PAPPA2: variants seen among roughly 807,000 people sequenced by gnomAD.
The protein encoded by PAPPA2 is pappalysin 2, also known as pappalysin-2.
PAPPA2 carries 86 observed loss-of-function variants against 176.4 expected under a neutral mutation model. The observed-to-expected ratio is 0.49, with a 90% CI of 0.41 to 0.58. The LOEUF (loss-of-function observed/expected upper bound fraction) is 0.58, where lower values mean the gene tolerates loss of function less well. Ranked by LOEUF, PAPPA2 falls within the 20% of genes least tolerant of loss-of-function variation. The probability of loss-of-function intolerance (pLI) is 0.00; values close to 1 mark genes in which losing one functional copy is unlikely to be tolerated. For synonymous variants in PAPPA2, 809 were observed against 852.2 expected, an observed-to-expected ratio of 0.95 and a Z score of 0.88; for missense variants, 2,073 against 2,256.9, an observed-to-expected ratio of 0.92 and a Z score of 1.65.
At chr1:176,644,189 C>T (rs911214945) in intron 3 of PAPPA2, among the ~76,000 whole-genome samples, 5 of 151,894 alleles carry the variant, frequency 3.3e-5, no homozygotes, top group South Asian at 2.1e-4. Flanking sequence ...TGTGGGCTTA[C>T]GAAAACTTAG....
chr1:176,485,149 A>G (rs760462022), intron 1 of PAPPA2, among the ~76,000 whole-genome samples: 6 of 152,180 alleles, frequency 3.9e-5, no homozygotes, highest in Non-Finnish European at 5.9e-5. Context: ...TTTTATTACC[A>G]CAATCTCAGC....
In PAPPA2 at chr1:176,595,367, C is replaced by G. The variant is rs1653914990; in HGVS notation, c.1763C>G (p.Pro588Arg). The G allele has an allele frequency of 3.1e-6, 5 of 1,614,038 alleles. No individual in the cohort carries two copies. The highest frequency in any genetic ancestry group is 4.2e-6 in the Non-Finnish European group (5 of 1,180,040). ...RHRVVLVNCE[P>R]SKIGNDHCDP... ...CGGGTTGTGCTTGTGAACTGTGAGCCCAGCAAGATTGGCAATGACCATTGT... is the reference window on the plus strand; with the variant it reads ...CGGGTTGTGCTTGTGAACTGTGAGCGCAGCAAGATTGGCAATGACCATTGT... The change falls in exon 3 of 23, where the codon CCC becomes CGC. Residue 588 changes from proline to arginine, a missense_variant. Transcript: ENST00000367662.
intron 3 of PAPPA2, among the ~76,000 whole-genome samples, chr1:176,598,780 T>A (rs1654122867): frequency 6.6e-6 from 1 of 152,190 alleles, no homozygotes; most frequent in Non-Finnish European, 1.5e-5. Flanking sequence ...TTCTATTCTT[T>A]TCTTCCAGTC....
chr1:176,773,235 T>G (rs1664312980), intron 17 of PAPPA2, among the ~76,000 whole-genome samples: 1 of 152,206 alleles, frequency 6.6e-6, no homozygotes, highest in Non-Finnish European at 1.5e-5. Flanking sequence ...AAATCTTAGT[T>G]TACATCTGTT....
rs543186767 is a variant in PAPPA2, at chr1:176,673,842, T to G, written c.2137+2727T>G. ...TTAGTCTTTTTCCTTTCAGGGAAAT[T>G]GCCACATTCTCAGTGGAAGACATAG... On this transcript the variant is annotated intron_variant, in intron 4 of 22. Transcript: ENST00000367662. Among the ~76,000 whole-genome samples the G allele has an allele frequency of 2.0e-5, 3 of 152,204 alleles. No homozygotes were observed. In the East Asian group the frequency reaches 5.8e-4, roughly 29 times the overall value.
intron 12 of PAPPA2, among the ~76,000 whole-genome samples, chr1:176,722,441 G>GT (rs1348641144): frequency 3.1e-5 from 2 of 63,748 alleles, no homozygotes; most frequent in East Asian, 4.5e-4. Context: ...TTTTTTTTTA[G>GT]TTTTTTCTTT....
At chr1:176,584,818 T>C (rs1198181271) in intron 2 of PAPPA2, among the ~76,000 whole-genome samples, 1 of 152,186 alleles carries the variant, frequency 6.6e-6, no homozygotes, top group Non-Finnish European at 1.5e-5. Flanking sequence ...CAGTGCAACC[T>C]CCGCCTCCCA....
chr1:176,699,143 C>A lies in PAPPA2; in HGVS notation c.2790C>A (p.Ala930=). The A allele has an allele frequency of 6.2e-7, 1 of 1,614,068 alleles. No homozygotes were observed. The highest frequency in any genetic ancestry group is 2.2e-5 in the East Asian group (1 of 44,866). Residue 930 remains alanine, a synonymous_variant, in exon 8 of 23, where the codon GCC becomes GCA. Coordinates refer to ENST00000367662, the MANE Select transcript of PAPPA2 (RefSeq NM_020318.3). ...AGCCCTGCGAGCCAAGCTTACAGGC[C>A]TGGAGCCCTGAGGTCCACCTGTACC... The part of the protein sequence containing the change: ...VDQPCEPSLQ[A]WSPEVHLYHM...
At chr1:176,506,133 C>G (rs994097722) in intron 1 of PAPPA2, among the ~76,000 whole-genome samples, 1 of 152,016 alleles carries the variant, frequency 6.6e-6, no homozygotes, top group East Asian at 1.9e-4. Context: ...TTTTGTCAGC[C>G]TTGTCAAAAA....
At chr1:176,609,068 A>G (rs972127466) in intron 3 of PAPPA2, among the ~76,000 whole-genome samples, 5 of 152,188 alleles carry the variant, frequency 3.3e-5, no homozygotes, top group Non-Finnish European at 7.3e-5. Flanking sequence ...AGGCAGGAAG[A>G]TGTGTTAGTA....
intron 4 of PAPPA2, among the ~76,000 whole-genome samples, chr1:176,679,939 A>G (rs1032747284): frequency 6.6e-6 from 1 of 152,186 alleles, no homozygotes; most frequent in Non-Finnish European, 1.5e-5. Flanking sequence ...GATGTTCAAT[A>G]GGGACTCCAT....
chr1:176,594,730 A>C lies in PAPPA2; in HGVS notation c.1126A>C (p.Met376Leu). ...GGCAGCCACTTACGATGGACGGCAC[A>C]TGGCCCTGTATGTGGATGGCACTCA... ...HVAATYDGRHMALYVDGTQVA... is the reference protein window; with the variant it reads ...HVAATYDGRHLALYVDGTQVA... Residue 376 changes from methionine (M) to leucine (L), a missense_variant, in exon 3 of 23, where the codon ATG becomes CTG. Physicochemically the swap from Met to Leu is conservative, Grantham distance 15. Around this residue, in one of 4 missense-constraint regions of PAPPA2, gnomAD observed 1,196 missense variants for 1,330.4 expected, o/e 0.90. Transcript: ENST00000367662. 6.2e-7 allele frequency: 1 copy of C among 1,614,240 alleles called. No homozygotes were observed. Among genetic ancestry groups the C allele is most frequent in the Non-Finnish European group, 8.5e-7 (1 of 1,180,040 alleles).
intron 3 of PAPPA2, among the ~76,000 whole-genome samples, chr1:176,623,630 A>ACTTACTTTCTTTCTTTCTTT (rs1655751248): frequency 7.1e-5 from 6 of 84,040 alleles, no homozygotes; most frequent in African/African-American, 4.1e-4. Flanking sequence ...TTCCTTTTTT[A>ACTTACTTTCTTTCTTTCTTT]CTTTCTTTCT....
rs756800181 is a variant in PAPPA2, at chr1:176,556,254, G to A, written c.-69G>A. 130 of 1,505,312 alleles carry A rather than the reference G, an allele frequency of 8.6e-5. No homozygotes were observed. Among genetic ancestry groups the A allele is most frequent in the Non-Finnish European group, 1.1e-4 (119 of 1,117,798 alleles). The allele number at this position is 1,505,312 out of a possible 1,614,324, so 93.2% of individuals were successfully genotyped here. A position where few individuals can be genotyped will look rare whatever the true frequency, so the allele number is the denominator to read the frequency against. Reference sequence around the variant, plus strand: ...ATCCATTGCTAGCTGCCTCTTTCTCGTCTGCCCATCACTCTGGTGTGGTAC... The same window carrying A: ...ATCCATTGCTAGCTGCCTCTTTCTCATCTGCCCATCACTCTGGTGTGGTAC... On this transcript the variant is annotated 5_prime_UTR_variant, in exon 2 of 23. Transcript: ENST00000367662.
At chr1:176,610,342 TGTG>T (rs1017127678) in intron 3 of PAPPA2, among the ~76,000 whole-genome samples, 1 of 78,686 alleles carries the variant, frequency 1.3e-5, no homozygotes, top group African/African-American at 1.3e-4. Context: ...CAAAGTTGTG[TGTG>T]GGGGGGGGGA....
At chr1:176,698,512 T>C (rs1038721914) in intron 7 of PAPPA2, among the ~76,000 whole-genome samples, 4 of 152,162 alleles carry the variant, frequency 2.6e-5, no homozygotes, top group Admixed American at 2.6e-4. Flanking sequence ...TCATTTTTTT[T>C]CCCACTCCAT....
intron 21 of PAPPA2, among the ~76,000 whole-genome samples, chr1:176,833,422 C>T (rs1157795553): frequency 1.3e-5 from 2 of 152,300 alleles, no homozygotes; most frequent in African/African-American, 2.4e-5. Context: ...AAACTCCCTA[C>T]CTTACAAAGG....
rs141546987 is a variant in PAPPA2 at position 176,799,365 on chromosome 1, G to A, written c.5131-696G>A. Among the ~76,000 whole-genome samples, 44 of 152,294 alleles carry A rather than the reference G, an allele frequency of 2.9e-4. No individual in the cohort carries two copies. The East Asian group carries it at 8.5e-3, about 29-fold the overall frequency. The stretch of plus-strand genomic sequence containing the variant: ...ATATGCATCTGGAAATGGCCATCAG[G>A]AAAGAGGCAGTCAACAGCATCTCAA... On this transcript the variant is annotated intron_variant, in intron 20 of 22. Transcript: ENST00000367662.
At chr1:176,725,060 A>G (rs1247276647) in intron 12 of PAPPA2, among the ~76,000 whole-genome samples, 2 of 152,244 alleles carry the variant, frequency 1.3e-5, no homozygotes, top group African/African-American at 4.8e-5. Context: ...TTTATGGGCC[A>G]TTCAGTCTGT....
Sources: gnomAD v4.1 joint callset for allele counts (sites outside exome capture counted in the v4.1 genomes callset) on GRCh38, gnomAD v4.1.1 for gene constraint, gnomAD v4.1.1 regional missense constraint, MANE v1.5 for transcripts, NCBI Gene and HGNC (gene_info 2026-07-23, HGNC 2026-07-21) for gene names.